Variants in RNF216 observed in about 807,000 individuals in gnomAD.
RNF216 encodes ring finger protein 216.
In RNF216, 72 loss-of-function variants were observed where a neutral mutation model predicts 110.8. The ratio of observed to expected loss-of-function variants is 0.65; its 90% CI spans 0.54 to 0.79. The LOEUF is 0.79. Ranked by LOEUF, RNF216 falls within the 30% of genes least tolerant of loss-of-function variation. The pLI, the probability that RNF216 is intolerant of heterozygous loss-of-function variation, is 0.00. For missense variants in RNF216, 1,342 were observed against 1,141.2 expected (o/e 1.18, Z -2.54); for synonymous variants, 495 against 407.5 (o/e 1.21, Z -2.59).
At chr7:5,760,683 G>A (rs1229911905) in intron 2 of RNF216, among the ~76,000 whole-genome samples, 1 of 152,190 alleles carries the variant, frequency 6.6e-6, no homozygotes, top group Non-Finnish European at 1.5e-5. Flanking sequence ...TAAAGGCCTA[G>A]TGGAGCACTC....
At chr7:5,700,925 TTCTCTAGTATAGCGTATCGCCG>T (rs1437248502) in intron 13 of RNF216, among the ~76,000 whole-genome samples, 1 of 152,050 alleles carries the variant, frequency 6.6e-6, no homozygotes, top group African/African-American at 2.4e-5. Context: ...TAATTTGGAG[TTCTCTAGTATAGCGTATCGCCG>T]TCTTTGTTTC....
At chr7:5,725,266 G>A in intron 8 of RNF216, 58 bp downstream of exon 8, 1 of 1,039,650 alleles carries the variant, frequency 9.6e-7, no homozygotes, top group Non-Finnish European at 1.5e-6. Flanking sequence ...CACTGACTGT[G>A]AAGAAGAAAA....
intron 13 of RNF216, among the ~76,000 whole-genome samples, chr7:5,704,807 A>G (rs923955857): frequency 9.9e-5 from 15 of 152,176 alleles, no homozygotes; most frequent in East Asian, 1.9e-4. Context: ...AGGTCCCCAT[A>G]TAACATTTTT....
In RNF216 at chr7:5,652,506, G is replaced by C. The variant is rs757268566; in HGVS notation, c.2066C>G (p.Thr689Ser). The change falls in exon 14 of 17, where the codon ACC (threonine) becomes AGC (serine). Residue 689 changes from threonine (T) to serine (S), a missense_variant. Thr to Ser is a moderately conservative substitution (Grantham distance 58). Coordinates refer to ENST00000389902, the MANE Select transcript of RNF216 (RefSeq NM_207111.4). The part of the protein sequence containing the change: ...SCPNPHCRKE[T>S]CRKCQGLWKE... ...CCAGAGTCCCTGACACTTCCTACAG[G>C]TTTCCTGGGGATAAAGGACAGACAC... is the stretch of plus-strand genomic sequence containing the variant. The C allele has an allele frequency of 1.2e-6, 2 of 1,610,354 alleles. No homozygotes were observed. Among genetic ancestry groups the C allele is most frequent in the Admixed American group, 3.3e-5 (2 of 59,996 alleles).
At chr7:5,770,947 A>G (rs1183350665) in intron 1 of RNF216, among the ~76,000 whole-genome samples, 1 of 152,022 alleles carries the variant, frequency 6.6e-6, no homozygotes, top group Admixed American at 6.6e-5. Context: ...TGCTGGAATT[A>G]CAGGCATGCA....
At chr7:5,649,636 T>C (rs1490756522) in intron 14 of RNF216, 1 of 151,830 alleles carries the variant, frequency 6.6e-6, no homozygotes, top group Non-Finnish European at 1.5e-5. Flanking sequence ...AAAAAACACA[T>C]CACCAGATTC....
chr7:5,709,455 A>G (rs148101703), intron 13 of RNF216, among the ~76,000 whole-genome samples: 67 of 152,310 alleles, frequency 4.4e-4, no homozygotes, highest in Non-Finnish European at 3.5e-4. Context: ...TGTTCTCTCT[A>G]TGGGAAAAAG....
At chr7:5,682,310 G>C (rs150581301) in intron 13 of RNF216, among the ~76,000 whole-genome samples, 6 of 151,988 alleles carry the variant, frequency 3.9e-5, no homozygotes, top group African/African-American at 1.5e-4. Context: ...CCTCACACCC[G>C]TCCCTCTAAA....
chr7:5,720,142 A>C (rs1355268796), intron 9 of RNF216, among the ~76,000 whole-genome samples: 2 of 152,184 alleles, frequency 1.3e-5, no homozygotes, highest in African/African-American at 4.8e-5. Context: ...TGCTGGTACA[A>C]ACTCAATATG....
rs576682843 is a variant in RNF216, at chr7:5,711,885, C to T, written c.1983-46G>A. ...CTGACATTACTTCAAACATTAAAGCCTGATCTGGTTCCAGCTCCATGTGGC... is the reference window on the plus strand; with the variant it reads ...CTGACATTACTTCAAACATTAAAGCTTGATCTGGTTCCAGCTCCATGTGGC... On this transcript the variant is annotated intron_variant, in intron 12 of 16. Coordinates refer to ENST00000389902, the MANE Select transcript of RNF216 (RefSeq NM_207111.4). 7.7e-6 allele frequency: 12 copies of T among 1,554,428 alleles called. No individual in the cohort carries two copies. The East Asian group carries it at 2.0e-4, about 26-fold the overall frequency.
chr7:5,753,004 T>C, intron 2 of RNF216, 25 bp from the exon 3 acceptor site: 1 of 1,594,328 alleles, frequency 6.3e-7, no homozygotes, highest in Non-Finnish European at 8.5e-7. Context: ...AGAACACTGT[T>C]ACTGGGAGGT....
At chr7:5,681,084 T>C (rs1029488280) in intron 13 of RNF216, among the ~76,000 whole-genome samples, 4 of 152,154 alleles carry the variant, frequency 2.6e-5, no homozygotes, top group Admixed American at 6.5e-5. Flanking sequence ...TCCTGTGTTC[T>C]TACCTCAACA....
chr7:5,650,945 A>G (rs1788348278), intron 14 of RNF216, among the ~76,000 whole-genome samples: 2 of 152,074 alleles, frequency 1.3e-5, no homozygotes, highest in Admixed American at 1.3e-4. Flanking sequence ...AACTCCTTCC[A>G]TATCCTTCAT....
chr7:5,645,266 C>T lies in RNF216; in HGVS notation c.2160-3890G>A, dbSNP rs114927346. 5.6e-3 allele frequency among the ~76,000 whole-genome samples: 851 copies of T among 152,102 alleles called. 6 individuals carry two copies. The highest frequency in any genetic ancestry group is 0.019 in the African/African-American group (804 of 41,418). ...TCATTCAGCTTCTTGGATGTATAGACTCTTGTTCTTCATCAGATTTGGGAA... is the reference window on the plus strand; with the variant it reads ...TCATTCAGCTTCTTGGATGTATAGATTCTTGTTCTTCATCAGATTTGGGAA... On this transcript the variant is annotated intron_variant, in intron 14 of 16. Coordinates refer to ENST00000389902, the MANE Select transcript of RNF216 (RefSeq NM_207111.4).
chr7:5,642,215 T>C (rs111954482), intron 14 of RNF216, among the ~76,000 whole-genome samples: 1,995 of 151,282 alleles, frequency 0.013, 37 homozygotes, highest in African/African-American at 0.046. Flanking sequence ...AGGTTCTGTT[T>C]TGTTTTTTTT....
chr7:5,690,652 C>G (rs1185312120), intron 13 of RNF216, among the ~76,000 whole-genome samples: 2 of 149,286 alleles, frequency 1.3e-5, no homozygotes, highest in Non-Finnish European at 3.0e-5. Context: ...GCACTGTTAT[C>G]CCATTCTACA....
At chr7:5,661,711 G>A (rs1789153722) in intron 13 of RNF216, among the ~76,000 whole-genome samples, 1 of 152,204 alleles carries the variant, frequency 6.6e-6, no homozygotes, top group African/African-American at 2.4e-5. Flanking sequence ...GCTGAGGCAT[G>A]AGAATCGTTC....
chr7:5,745,531 T>G (rs1794985267), intron 3 of RNF216, among the ~76,000 whole-genome samples: 1 of 152,170 alleles, frequency 6.6e-6, no homozygotes, highest in Non-Finnish European at 1.5e-5. Flanking sequence ...GATGCACGTT[T>G]TCAAGAAATT....
rs1044785186 is a variant in RNF216 at position 5,696,346 on chromosome 7, T to C, written c.2061+15415A>G. 5.3e-5 allele frequency among the ~76,000 whole-genome samples: 8 copies of C among 152,226 alleles called. No individual in the cohort carries two copies. Among genetic ancestry groups the C allele is most frequent in the African/African-American group, 1.9e-4 (8 of 41,462 alleles). ...TCTGAGTGAGAGAAATTAAGCTTATTCGACATGCCTTCGGCTGGAAAACAA... is the reference window on the plus strand; with the variant it reads ...TCTGAGTGAGAGAAATTAAGCTTATCCGACATGCCTTCGGCTGGAAAACAA... On this transcript the variant is annotated intron_variant, in intron 13 of 16. Transcript: ENST00000389902. The surrounding 1 kb of genome is among the most constrained non-coding windows in gnomAD (Gnocchi z 5.4).
Sources: gnomAD v4.1 joint callset for allele counts (sites outside exome capture counted in the v4.1 genomes callset) on GRCh38, gnomAD v4.1.1 for gene constraint, Gnocchi (gnomAD v3.1) non-coding constraint, MANE v1.5 for transcripts, NCBI Gene and HGNC (gene_info 2026-07-23, HGNC 2026-07-21) for gene names.